PRKG1: variants seen among roughly 807,000 people sequenced by gnomAD.
The protein encoded by PRKG1 is protein kinase cGMP-dependent 1.
PRKG1 carries 35 observed loss-of-function variants against 88.1 expected under a neutral mutation model. The ratio of observed to expected loss-of-function variants is 0.40; its 90% CI spans 0.30 to 0.53. The LOEUF is 0.53. Among genes scored for constraint, PRKG1 ranks in the 20% least tolerant of loss-of-function variants. PRKG1 has a pLI of 0.59. For missense variants in PRKG1, 540 were observed against 839.8 expected, an observed-to-expected ratio of 0.64 and a Z score of 4.41; for synonymous variants, 303 against 292.5, an observed-to-expected ratio of 1.04 and a Z score of -0.37.
chr10:51,655,345 G>C (rs1393059494), intron 3 of PRKG1, among the ~76,000 whole-genome samples: 1 of 152,106 alleles, frequency 6.6e-6, no homozygotes, highest in Non-Finnish European at 1.5e-5. Context: ...TAGGTTCAAG[G>C]AGTAGGAAAT....
chr10:52,062,602 A>C lies in PRKG1; in HGVS notation c.906A>C (p.Gly302=), dbSNP rs145917628. Reference sequence around the variant, plus strand: ...TCTTTCTTAGAACTTTAGGAAAAGGAGACTGGTTTGGAGAGAAAGCCTTGC... The same window carrying C: ...TCTTTCTTAGAACTTTAGGAAAAGGCGACTGGTTTGGAGAGAAAGCCTTGC... ...DPVFLRTLGK[G]DWFGEKALQG... is the part of the protein sequence containing the mutation. The change falls in exon 7 of 18, where the codon GGA becomes GGC. Residue 302 remains glycine (G), a synonymous_variant. Coordinates refer to ENST00000373980, the MANE Select transcript of PRKG1 (RefSeq NM_006258.4). 629 of 1,609,504 alleles carry C rather than the reference A, an allele frequency of 3.9e-4. 1 individual carries two copies. The African/African-American group carries it at 5.0e-3, about 13-fold the overall frequency.
intron 1 of PRKG1, among the ~76,000 whole-genome samples, chr10:51,082,681 A>G (rs1375477173): frequency 6.6e-6 from 1 of 152,094 alleles, no homozygotes; most frequent in Non-Finnish European, 1.5e-5. Flanking sequence ...TCTATTGGCT[A>G]AAACCTTTAA....
intron 3 of PRKG1, among the ~76,000 whole-genome samples, chr10:51,580,397 C>A (rs202205314): frequency 6.6e-6 from 1 of 152,072 alleles, no homozygotes; most frequent in Non-Finnish European, 1.5e-5. Context: ...TATATTCTTG[C>A]CAACACATGG....
chr10:51,900,673 A>G (rs1235344393), intron 4 of PRKG1, among the ~76,000 whole-genome samples: 1 of 152,168 alleles, frequency 6.6e-6, no homozygotes, highest in Non-Finnish European at 1.5e-5. Context: ...GAAAGTTTGA[A>G]TTTTATCATA....
At chr10:51,754,511 G>C (rs1837807209) in intron 3 of PRKG1, among the ~76,000 whole-genome samples, 1 of 152,170 alleles carries the variant, frequency 6.6e-6, no homozygotes, top group Non-Finnish European at 1.5e-5. Flanking sequence ...CAAGGAGTAA[G>C]GCTAGCTTGA....
chr10:51,709,171 G>T (rs1236436234), intron 3 of PRKG1, among the ~76,000 whole-genome samples: 1 of 152,086 alleles, frequency 6.6e-6, no homozygotes, highest in African/African-American at 2.4e-5. Context: ...TTAGAAAAAT[G>T]GTCTAATATA....
chr10:51,431,378 G>A (rs1368162633), intron 2 of PRKG1, among the ~76,000 whole-genome samples: 1 of 152,220 alleles, frequency 6.6e-6, no homozygotes, highest in Admixed American at 6.5e-5. Context: ...GGAAGGGGTA[G>A]GAGTTTCCAC....
chr10:51,175,877 T>C (rs1022911362), intron 2 of PRKG1, among the ~76,000 whole-genome samples: 11 of 152,164 alleles, frequency 7.2e-5, no homozygotes, highest in African/African-American at 2.2e-4. Flanking sequence ...TTGCATAATT[T>C]AGCTCTTTAT....
intron 3 of PRKG1, among the ~76,000 whole-genome samples, chr10:51,642,162 C>T (rs970631754): frequency 1.3e-5 from 2 of 152,048 alleles, no homozygotes; most frequent in Non-Finnish European, 2.9e-5. Flanking sequence ...GAGGCCAAGG[C>T]GGCCGGATCA....
chr10:51,156,123 C>T (rs1589201583), intron 2 of PRKG1, among the ~76,000 whole-genome samples: 1 of 151,866 alleles, frequency 6.6e-6, no homozygotes, highest in African/African-American at 2.4e-5. Flanking sequence ...ACCCTTTCCC[C>T]AAAAGAAGAC....
At chr10:51,436,598 C>G (rs755549088) in intron 2 of PRKG1, among the ~76,000 whole-genome samples, 29 of 151,982 alleles carry the variant, frequency 1.9e-4, no homozygotes, top group Non-Finnish European at 3.2e-4. Context: ...TAAAAGGGAA[C>G]AGAGGGACTG....
rs1554831108 is a variant in PRKG1 at position 51,034,668 on chromosome 10, TTA to T, written c.266+43062_266+43063del. Among the ~76,000 whole-genome samples the T allele has an allele frequency of 6.2e-3, 420 of 68,144 alleles. 4 individuals are homozygous for T. The highest frequency in any genetic ancestry group is 8.4e-3 in the African/African-American group (154 of 18,400). 44.7% of individuals were successfully genotyped at this position (68,144 alleles called of 152,430 possible). On this transcript the variant is annotated intron_variant, in intron 1 of 17. Transcript: ENST00000401604. ...AGCAAAATTATATATAATATGTTAT[TTA>T]TATATATATATATATATATATATAT...
At chr10:52,161,438 A>G (rs1206757333) in intron 8 of PRKG1, among the ~76,000 whole-genome samples, 2 of 152,158 alleles carry the variant, frequency 1.3e-5, no homozygotes, top group Non-Finnish European at 2.9e-5. Flanking sequence ...CTTGTTTTTC[A>G]GAATTTGTTT....
intron 3 of PRKG1, among the ~76,000 whole-genome samples, chr10:51,652,822 C>T (rs769510952): frequency 1.3e-5 from 2 of 152,108 alleles, no homozygotes; most frequent in African/African-American, 2.4e-5. Flanking sequence ...ATCACTACAA[C>T]CTATTCCTCC....
At chr10:51,932,217 G>A (rs1407099609) in intron 5 of PRKG1, among the ~76,000 whole-genome samples, 1 of 147,354 alleles carries the variant, frequency 6.8e-6, no homozygotes, top group Non-Finnish European at 1.5e-5. Flanking sequence ...TTTTAATTGA[G>A]GACATTTTTA....
intron 5 of PRKG1, among the ~76,000 whole-genome samples, chr10:52,023,580 G>T (rs560437098): frequency 2.6e-4 from 40 of 152,284 alleles, no homozygotes; most frequent in African/African-American, 8.9e-4. Flanking sequence ...AGCACCTGTT[G>T]TTTCCTGACT....
chr10:51,628,916 G>A (rs1315849578), intron 3 of PRKG1, among the ~76,000 whole-genome samples: 3 of 148,196 alleles, frequency 2.0e-5, no homozygotes, highest in East Asian at 2.0e-4. Flanking sequence ...CCGAGATTGC[G>A]CCACTGCAGT....
chr10:51,120,149 G>A (rs4366435), intron 1 of PRKG1, among the ~76,000 whole-genome samples: 121,258 of 152,052 alleles, frequency 0.8, 48,907 homozygotes, highest in South Asian at 0.88. Context: ...CAGGGTGGAG[G>A]AACTTGCTGT....
At chr10:51,672,774 A>G (rs1370177196) in intron 3 of PRKG1, among the ~76,000 whole-genome samples, 4 of 152,224 alleles carry the variant, frequency 2.6e-5, no homozygotes. Flanking sequence ...AAAAATTAAA[A>G]CAACTAACCA....
Sources: allele counts gnomAD v4.1 joint callset (sites outside exome capture counted in the v4.1 genomes callset), GRCh38; gene constraint gnomAD v4.1.1; transcripts MANE v1.5; gene names NCBI Gene and HGNC (gene_info 2026-07-23, HGNC 2026-07-21).